SLC17A6: variants seen among roughly 807,000 people sequenced by gnomAD.
The protein encoded by SLC17A6 is solute carrier family 17 member 6.
In SLC17A6, 35 loss-of-function variants were observed where a neutral mutation model predicts 67.1. That is an observed-to-expected ratio of 0.52 (90% CI 0.40 to 0.69). The LOEUF (loss-of-function observed/expected upper bound fraction) is 0.69. Among genes scored for constraint, SLC17A6 ranks in the 30% least tolerant of loss-of-function variants. The pLI is 0.00. For synonymous variants in SLC17A6, 285 were observed against 252.3 expected (o/e 1.13, Z -1.23); for missense variants, 588 against 723.9 (o/e 0.81, Z 2.15).
chr11:22,343,822 C>G (rs903165294), intron 3 of SLC17A6, among the ~76,000 whole-genome samples: 1 of 152,270 alleles, frequency 6.6e-6, no homozygotes, highest in East Asian at 1.9e-4. Context: ...CCCCGTCCCC[C>G]GCCCAGTTGG....
rs768299723 is a variant in SLC17A6, at chr11:22,377,389, C to T, written c.1414-16C>T. 3.9e-5 allele frequency: 62 copies of T among 1,585,216 alleles called. No individual in the cohort carries two copies. The highest frequency in any genetic ancestry group is 4.9e-5 in the Non-Finnish European group (57 of 1,163,318). On this transcript the variant is annotated splice_polypyrimidine_tract_variant and intron_variant, in intron 11 of 11. Transcript: ENST00000263160. ...TGGGGAGTCAGTTCTCACAGTGCTG[C>T]TTTTTCTCACTGCAGTCACGTGAAG...
At chr11:22,344,050 G>A (rs1487019101) in intron 3 of SLC17A6, among the ~76,000 whole-genome samples, 1 of 152,126 alleles carries the variant, frequency 6.6e-6, no homozygotes, top group Non-Finnish European at 1.5e-5. Flanking sequence ...TAAGACCTAA[G>A]GACCGATGGG....
At chr11:22,340,879 C>G (rs1408184248) in intron 1 of SLC17A6, among the ~76,000 whole-genome samples, 3 of 152,204 alleles carry the variant, frequency 2.0e-5, no homozygotes, top group Admixed American at 6.5e-5. Flanking sequence ...AGGCCTTCTC[C>G]TCACGCACAG....
chr11:22,343,815 C>T (rs1276040696), intron 3 of SLC17A6, among the ~76,000 whole-genome samples: 1 of 152,116 alleles, frequency 6.6e-6, no homozygotes, highest in South Asian at 2.1e-4. Flanking sequence ...GACCTGGCCC[C>T]GTCCCCCGCC....
rs568072846 is a variant in SLC17A6, at chr11:22,365,414, C to A, written c.749-133C>A. On this transcript the variant is annotated intron_variant, in intron 6 of 11. Transcript: ENST00000263160. ...GCAAAAGAGAAGAAAAGATGGCTAACGTCAGTTGGAGAAACATAAGCTTGA... is the reference window on the plus strand; with the variant it reads ...GCAAAAGAGAAGAAAAGATGGCTAAAGTCAGTTGGAGAAACATAAGCTTGA... 2.0e-5 allele frequency: 21 copies of A among 1,038,062 alleles called. No individual in the cohort carries two copies. In the African/African-American group the frequency reaches 2.8e-4, roughly 14 times the overall value. The allele number at this position is 1,038,062 out of a possible 1,614,324, so 64.3% of individuals were successfully genotyped here.
chr11:22,354,328 C>T (rs754369804), intron 3 of SLC17A6, among the ~76,000 whole-genome samples: 6 of 152,184 alleles, frequency 3.9e-5, no homozygotes, highest in Non-Finnish European at 7.3e-5. Context: ...AGGCGATCCA[C>T]CCACCTCGGC....
chr11:22,346,658 G>A (rs995282698), intron 3 of SLC17A6, among the ~76,000 whole-genome samples: 1 of 151,452 alleles, frequency 6.6e-6, no homozygotes, highest in Non-Finnish European at 1.5e-5. Flanking sequence ...AAAATGTGGG[G>A]GGCAAATTAT....
intron 7 of SLC17A6, among the ~76,000 whole-genome samples, chr11:22,366,459 TATAAC>T (rs1356155808): frequency 6.6e-6 from 1 of 152,190 alleles, no homozygotes; most frequent in Non-Finnish European, 1.5e-5. Flanking sequence ...ATAAAAGAAT[TATAAC>T]ATAATTTAAT....
At chr11:22,339,166 T>TTATATATATATGTTATATATACATATATA in intron 1 of SLC17A6, among the ~76,000 whole-genome samples, 1 of 48,946 alleles carries the variant, frequency 2.0e-5, no homozygotes, top group South Asian at 8.4e-4. Flanking sequence ...TATATATATG[T>TTATATATATATGTTATATATACATATATA]TATATATATA....
chr11:22,372,392 A>G (rs1856183663), intron 8 of SLC17A6, among the ~76,000 whole-genome samples: 1 of 147,750 alleles, frequency 6.8e-6, no homozygotes, highest in South Asian at 2.1e-4. Flanking sequence ...ACACATACAC[A>G]TATATATATA....
chr11:22,378,407 T>C lies in SLC17A6; in HGVS notation c.*667T>C, dbSNP rs905609214. The C allele has an allele frequency of 3.9e-5, 6 of 152,608 alleles. No homozygotes were observed. In the East Asian group the frequency reaches 5.8e-4, roughly 15 times the overall value. 9.5% of individuals were successfully genotyped at this position (152,608 alleles called of 1,614,324 possible). A position where few individuals can be genotyped will look rare whatever the true frequency, so the allele number is the denominator to read the frequency against. On this transcript the variant is annotated 3_prime_UTR_variant, in exon 12 of 12. Transcript: ENST00000263160. Reference sequence around the variant, plus strand: ...GAGGGGTATGCTTCATGTTCTTCCATCCATTTACCTAATAGTATGAAACAG... The same window carrying C: ...GAGGGGTATGCTTCATGTTCTTCCACCCATTTACCTAATAGTATGAAACAG...
chr11:22,370,018 T>A, intron 7 of SLC17A6, 21 bp from the exon 8 acceptor site: 2 of 1,601,764 alleles, frequency 1.2e-6, no homozygotes, highest in Non-Finnish European at 1.7e-6. Flanking sequence ...GGTCATAATG[T>A]CTCTCTTTTT....
At chr11:22,343,178 C>CT in intron 2 of SLC17A6, 69 bp from the exon 3 acceptor site, 1 of 1,304,198 alleles carries the variant, frequency 7.7e-7, no homozygotes. Flanking sequence ...GGCTTGTGAA[C>CT]CACTGAAAGT....
intron 2 of SLC17A6, 185 bp from the exon 3 acceptor site, chr11:22,343,062 A>G (rs1189577962): frequency 9.0e-6 from 6 of 668,038 alleles, no homozygotes; most frequent in Non-Finnish European, 1.6e-5. Context: ...ACATTTTGTT[A>G]ATGAGCAGGG....
intron 3 of SLC17A6, among the ~76,000 whole-genome samples, chr11:22,351,994 C>T (rs1416853570): frequency 6.6e-6 from 1 of 152,140 alleles, no homozygotes; most frequent in Non-Finnish European, 1.5e-5. Context: ...TCAGACCAAA[C>T]AAAAATGATG....
rs564251869 is a variant in SLC17A6, at chr11:22,360,988, AGTACT to A, written c.661+7_661+11del. 1,378 of 1,612,998 alleles carry A rather than the reference AGTACT, an allele frequency of 8.5e-4. 4 individuals carry two copies. Among genetic ancestry groups the A allele is most frequent in the South Asian group, 1.4e-3 (125 of 91,000 alleles). On this transcript the variant is annotated splice_donor_5th_base_variant and intron_variant, in intron 5 of 11. Transcript: ENST00000263160. The stretch of plus-strand genomic sequence containing the variant: ...CTGGCAACCACCTCCTTTTGTGGTG[AGTACT>A]GTGTGCAGATGCAGCTATGGTGGCT...
Position 22,377,922 on chromosome 11 carries a change from T to G in SLC17A6, c.*182T>G. On this transcript the variant is annotated 3_prime_UTR_variant, in exon 12 of 12. Transcript: ENST00000263160. ...AAGTGCAATCTGTAAAATTGTGAAGTTCCATCATTTCCATTCAAGTCATCC... is the reference window on the plus strand; with the variant it reads ...AAGTGCAATCTGTAAAATTGTGAAGGTCCATCATTTCCATTCAAGTCATCC... The G allele has an allele frequency of 1.8e-6, 1 of 549,918 alleles. No homozygotes were observed. The highest frequency in any genetic ancestry group is 3.0e-5 in the East Asian group (1 of 33,526). 34.1% of individuals were successfully genotyped at this position (549,918 alleles called of 1,614,324 possible). A position where few individuals can be genotyped will look rare whatever the true frequency, so the allele number is the denominator to read the frequency against.
intron 3 of SLC17A6, among the ~76,000 whole-genome samples, chr11:22,352,083 C>T (rs190917945): frequency 1.7e-4 from 24 of 145,240 alleles, no homozygotes; most frequent in African/African-American, 5.6e-4. Context: ...ACCTTATCGC[C>T]TCTGAAGCAT....
chr11:22,352,938 G>A (rs1002996731), intron 3 of SLC17A6, among the ~76,000 whole-genome samples: 1 of 152,172 alleles, frequency 6.6e-6, no homozygotes, highest in African/African-American at 2.4e-5. Flanking sequence ...AATTCAGAAT[G>A]GAAGATAAAA....
Sources: allele counts gnomAD v4.1 joint callset (sites outside exome capture counted in the v4.1 genomes callset), GRCh38; gene constraint gnomAD v4.1.1; transcripts MANE v1.5; gene names NCBI Gene and HGNC (gene_info 2026-07-23, HGNC 2026-07-21).